Variants in NEMF observed in about 807,000 individuals in gnomAD.
NEMF encodes the protein nuclear export mediator factor, also known as ribosome quality control complex subunit NEMF.
A neutral mutation model predicts 162.2 loss-of-function variants in NEMF; 89 were observed. The observed-to-expected ratio is 0.55, with a 90% CI of 0.46 to 0.65. The LOEUF (loss-of-function observed/expected upper bound fraction) is 0.65, where lower values mean the gene tolerates loss of function less well. NEMF is among the 30% of genes least tolerant of loss of function. The pLI is 0.00. For missense variants in NEMF, 1,133 were observed against 1,261.9 expected, an observed-to-expected ratio of 0.90 and a Z score of 1.55; for synonymous variants, 421 against 404.5, an observed-to-expected ratio of 1.04 and a Z score of -0.49.
chr14:49,828,092 T>C (rs1892451655), intron 15 of NEMF, among the ~76,000 whole-genome samples, 199 bp downstream of exon 15: 1 of 152,142 alleles, frequency 6.6e-6, no homozygotes, highest in African/African-American at 2.4e-5. Flanking sequence ...AATGAAGGTG[T>C]TATTTACTGA....
chr14:49,831,350 T>G lies in NEMF; in HGVS notation c.894A>C (p.Glu298Asp). The G allele has an allele frequency of 6.3e-7, 1 of 1,599,618 alleles. No individual in the cohort carries two copies. Among genetic ancestry groups the G allele is most frequent in the South Asian group, 1.1e-5 (1 of 90,732 alleles). Residue 298 changes from glutamate (E) to aspartate (D), a missense_variant, in exon 11 of 33, where the codon GAA becomes GAC. By Grantham distance (45) the Glu-to-Asp change is conservative (BLOSUM62 2). Around this residue, in one of 3 missense-constraint regions of NEMF, gnomAD observed 582 missense variants for 631.5 expected, o/e 0.92. Coordinates refer to ENST00000298310, the MANE Select transcript of NEMF (RefSeq NM_004713.6). Reference sequence around the variant, plus strand: ...TCTGGCCTTCTATCTTGGAATAAAATTCATCCACCGCCTTATTAAAAAAAC... The same window carrying G: ...TCTGGCCTTCTATCTTGGAATAAAAGTCATCCACCGCCTTATTAAAAAAAC... ...EFESFDKAVD[E>D]FYSKIEGQKI...
At chr14:49,824,277 G>A (rs558158097) in intron 16 of NEMF, among the ~76,000 whole-genome samples, 57 of 152,188 alleles carry the variant, frequency 3.7e-4, no homozygotes, top group African/African-American at 1.3e-3. Context: ...GGGCGTGGTG[G>A]CTCACGCCTG....
chr14:49,783,215 T>TACA lies in NEMF; in HGVS notation c.*1420_*1421insTGT. The TACA allele has an allele frequency of 3.4e-6, 1 of 292,354 alleles. No individual in the cohort carries two copies. The highest frequency in any genetic ancestry group is 6.3e-6 in the Non-Finnish European group (1 of 159,466). The allele number at this position is 292,354 out of a possible 1,614,324, so 18.1% of individuals were successfully genotyped here. On this transcript the variant is annotated 3_prime_UTR_variant, in exon 33 of 33. Coordinates refer to ENST00000298310, the MANE Select transcript of NEMF (RefSeq NM_004713.6). The stretch of plus-strand genomic sequence containing the variant: ...AATGGTTGCTACATTTTCTTTTCAG[T>TACA]AACTTCAGGATATGTATCTGTAGAA...
At position 49,851,928 on chromosome 14, in the gene NEMF, AACT is replaced by A. The variant is rs557441057; in HGVS notation, c.60-56_60-54del. The A allele has an allele frequency of 2.8e-6, 3 of 1,069,224 alleles. No homozygotes were observed. The South Asian group carries it at 4.3e-5, about 15-fold the overall frequency. 66.2% of individuals were successfully genotyped at this position (1,069,224 alleles called of 1,614,324 possible). ...TGTTACACTATTGTCTGAAACATAAAACTACACATAATTTAATAAAAGCTTCGA... is the reference window on the plus strand; with the variant it reads ...TGTTACACTATTGTCTGAAACATAAAACACATAATTTAATAAAAGCTTCGA... On this transcript the variant is annotated intron_variant, in intron 1 of 32. Transcript: ENST00000298310.
At position 49,790,668 on chromosome 14, in the gene NEMF, G is replaced by C. The variant is rs185925729; in HGVS notation, c.2620-1095C>G. Among the ~76,000 whole-genome samples the C allele has an allele frequency of 2.6e-4, 39 of 152,190 alleles. 1 individual carries two copies. The East Asian group carries it at 7.1e-3, about 28-fold the overall frequency. On this transcript the variant is annotated intron_variant, in intron 26 of 32. Coordinates refer to ENST00000298310, the MANE Select transcript of NEMF (RefSeq NM_004713.6). ...CAGAAAATTCCACTCATATGTATATGAACAGAAATGCATACTTAGGGATCC... is the reference window on the plus strand; with the variant it reads ...CAGAAAATTCCACTCATATGTATATCAACAGAAATGCATACTTAGGGATCC...
chr14:49,789,908 G>A (rs1161087858), intron 26 of NEMF, among the ~76,000 whole-genome samples: 2 of 152,136 alleles, frequency 1.3e-5, no homozygotes, highest in African/African-American at 2.4e-5. Flanking sequence ...TTTGGTTTGG[G>A]TCAGGGTACA....
intron 4 of NEMF, chr14:49,845,865 G>A (rs974589469): frequency 6.2e-6 from 3 of 484,292 alleles, no homozygotes; most frequent in African/African-American, 1.9e-5. Flanking sequence ...TATTAGTCCT[G>A]AAATGTCAAG....
intron 18 of NEMF, among the ~76,000 whole-genome samples, chr14:49,813,089 A>G (rs1319239835): frequency 2.6e-5 from 4 of 152,070 alleles, no homozygotes; most frequent in Non-Finnish European, 5.9e-5. Context: ...CTTGTTTTAT[A>G]GACTATCCTA....
chr14:49,830,041 A>G (rs1047187237), intron 11 of NEMF, among the ~76,000 whole-genome samples: 2 of 152,204 alleles, frequency 1.3e-5, no homozygotes, highest in Non-Finnish European at 2.9e-5. Context: ...CATGGTAGTT[A>G]TTTGGCATTT....
rs771866967 is a variant in NEMF, at chr14:49,800,451, T to C, written c.2341A>G (p.Thr781Ala). The C allele has an allele frequency of 5.9e-5, 95 of 1,613,484 alleles. 1 individual carries two copies. In the South Asian group the frequency reaches 9.8e-4, roughly 17 times the overall value. ...GEETLNYPDT[T>A]IDLSHLQPQR... Reference sequence around the variant, plus strand: ...GGTTGAAGGTGAGACAAGTCAATGGTAGTATCAGGATAATTTAATGTCTCT... The same window carrying C: ...GGTTGAAGGTGAGACAAGTCAATGGCAGTATCAGGATAATTTAATGTCTCT... The change falls in exon 23 of 33, where the codon ACC becomes GCC. Residue 781 changes from threonine (T) to alanine (A), a missense_variant. Physicochemically the swap from Thr to Ala is moderately conservative, Grantham distance 58. Transcript: ENST00000298310.
intron 6 of NEMF, among the ~76,000 whole-genome samples, chr14:49,835,738 T>C (rs891311194): frequency 6.6e-6 from 1 of 152,208 alleles, no homozygotes; most frequent in Non-Finnish European, 1.5e-5. Flanking sequence ...ACAGATGACA[T>C]GATCCTGTAC....
chr14:49,804,008 CT>C (rs777983337), intron 19 of NEMF, among the ~76,000 whole-genome samples: 282 of 139,326 alleles, frequency 2.0e-3, no homozygotes, highest in East Asian at 3.5e-3. Flanking sequence ...AAAGTTTTGC[CT>C]TTTTTTTTTT....
Position 49,814,735 on chromosome 14 carries a change from G to C in NEMF, c.1681+19C>G, listed in dbSNP as rs368433895. ...CAAACATTCAAGAGAAAATTTTTCCGAATTTTAATCTTACCTACCTGGTGT... is the reference window on the plus strand; with the variant it reads ...CAAACATTCAAGAGAAAATTTTTCCCAATTTTAATCTTACCTACCTGGTGT... On this transcript the variant is annotated intron_variant, in intron 17 of 32. Coordinates refer to ENST00000298310, the MANE Select transcript of NEMF (RefSeq NM_004713.6). 2.7e-6 allele frequency: 4 copies of C among 1,458,686 alleles called. No homozygotes were observed. Among genetic ancestry groups the C allele is most frequent in the Non-Finnish European group, 9.3e-7 (1 of 1,074,054 alleles). 90.4% of individuals were successfully genotyped at this position (1,458,686 alleles called of 1,614,324 possible).
In NEMF at chr14:49,825,896, G is replaced by C. The variant is rs1217410789; in HGVS notation, c.1548C>G (p.Thr516=). ...ATACTTTTCTTGCTTTTTGAATAGA[G>C]GTAACAGTCTGAACTTCTTTTAATG... The part of the protein sequence containing the change: ...KQTLKEVQTV[T]SIQKARKVYW... Residue 516 remains threonine (T), a synonymous_variant, in exon 16 of 33, where the codon ACC becomes ACG. Transcript: ENST00000298310. The C allele has an allele frequency of 6.2e-7, 1 of 1,608,998 alleles. No homozygotes were observed. The highest frequency in any genetic ancestry group is 8.5e-7 in the Non-Finnish European group (1 of 1,176,202).
In NEMF at chr14:49,841,578, GAAAAAAAA is replaced by G. The variant is rs535773426; in HGVS notation, c.358-720_358-713del. The stretch of plus-strand genomic sequence containing the variant: ...AACAAGAGCGAAACTCTCGTCTTAA[GAAAAAAAA>G]AAAAAAAAAAAAAATTGAGAAAGAA... On this transcript the variant is annotated intron_variant, in intron 4 of 32. Transcript: ENST00000298310. Among the ~76,000 whole-genome samples, 29 of 73,318 alleles carry G rather than the reference GAAAAAAAA, an allele frequency of 4.0e-4. 1 individual carries two copies. Among genetic ancestry groups the G allele is most frequent in the East Asian group, 1.2e-3 (2 of 1,726 alleles). 48.1% of individuals were successfully genotyped at this position (73,318 alleles called of 152,430 possible).
intron 11 of NEMF, 23 bp from the exon 12 acceptor site, chr14:49,829,449 T>C (rs1358485440): frequency 3.8e-6 from 6 of 1,596,766 alleles, no homozygotes; most frequent in Non-Finnish European, 3.4e-6. Flanking sequence ...AAACAGATTT[T>C]TTAAAAATTA....
chr14:49,809,668 T>C (rs922385800), intron 18 of NEMF, among the ~76,000 whole-genome samples: 1 of 151,790 alleles, frequency 6.6e-6, no homozygotes, highest in Non-Finnish European at 1.5e-5. Context: ...GAGACCAGCC[T>C]GGCCAACATA....
intron 25 of NEMF, 41 bp downstream of exon 25, chr14:49,799,434 G>A (rs761642194): frequency 3.6e-5 from 55 of 1,519,202 alleles, no homozygotes; most frequent in Middle Eastern, 2.0e-4. Flanking sequence ...AAAAAAAAAA[G>A]AAAAACATGC....
In NEMF at chr14:49,833,418, G is replaced by A. The variant is rs1892741991; in HGVS notation, c.735+5C>T. 1 of 1,564,240 alleles carries A rather than the reference G, an allele frequency of 6.4e-7. No homozygotes were observed. Among genetic ancestry groups the A allele is most frequent in the Non-Finnish European group, 8.7e-7 (1 of 1,144,230 alleles). On this transcript the variant is annotated splice_donor_5th_base_variant and intron_variant, in intron 8 of 32. Transcript: ENST00000298310. Reference sequence around the variant, plus strand: ...ACAATATATAGTAAGTATACATGGTGCTACCTTCCCACTGAAGTTGGATGT... The same window carrying A: ...ACAATATATAGTAAGTATACATGGTACTACCTTCCCACTGAAGTTGGATGT...
Sources: gnomAD v4.1 joint callset for allele counts (sites outside exome capture counted in the v4.1 genomes callset) on GRCh38, gnomAD v4.1.1 for gene constraint, gnomAD v4.1.1 regional missense constraint, MANE v1.5 for transcripts, NCBI Gene and HGNC (gene_info 2026-07-23, HGNC 2026-07-21) for gene names.